The following WWP2 variants were observed in gnomAD, a reference collection of about 807,000 sequenced individuals.
WWP2 encodes the protein NEDD4-like E3 ubiquitin-protein ligase WWP2.
WWP2 carries 57 observed loss-of-function variants against 121.0 expected under a neutral mutation model. That is an observed-to-expected ratio of 0.47 (90% CI 0.38 to 0.59). The LOEUF (loss-of-function observed/expected upper bound fraction) is 0.59, where lower values mean the gene tolerates loss of function less well. WWP2 is among the 20% of genes least tolerant of loss of function. The pLI, the probability that WWP2 is intolerant of heterozygous loss-of-function variation, is 0.00. For synonymous variants in WWP2, 449 were observed against 441.3 expected (o/e 1.02, Z -0.22); for missense variants, 962 against 1,158.9 (o/e 0.83, Z 2.47).
chr16:69,768,826 A>G (rs755956284), intron 1 of WWP2, among the ~76,000 whole-genome samples: 10 of 152,228 alleles, frequency 6.6e-5, no homozygotes, highest in Middle Eastern at 3.4e-3. Flanking sequence ...TTCCGTGCTT[A>G]GTCTTTGTAA....
At chr16:69,836,850 A>C (rs1017889471) in intron 4 of WWP2, among the ~76,000 whole-genome samples, 1 of 152,156 alleles carries the variant, frequency 6.6e-6, no homozygotes, top group Admixed American at 6.5e-5. Flanking sequence ...TCCTGAGCTC[A>C]AGCGACCCAC....
chr16:69,785,607 T>A (rs909754026), intron 1 of WWP2, among the ~76,000 whole-genome samples: 3 of 151,576 alleles, frequency 2.0e-5, no homozygotes, highest in Non-Finnish European at 4.4e-5. Context: ...GGACACCTCA[T>A]GGCGAATGAT....
At chr16:69,777,713 T>C (rs1484850039) in intron 1 of WWP2, among the ~76,000 whole-genome samples, 1 of 151,922 alleles carries the variant, frequency 6.6e-6, no homozygotes, top group Non-Finnish European at 1.5e-5. Context: ...AAGATTTATG[T>C]AGAGGATAAG....
intron 8 of WWP2, among the ~76,000 whole-genome samples, chr16:69,897,419 T>A (rs2058122405): frequency 6.6e-6 from 1 of 152,124 alleles, no homozygotes; most frequent in South Asian, 2.1e-4. Flanking sequence ...GAGGTCTTTT[T>A]TTAACCACCT....
chr16:69,873,939 T>A (rs573628798), intron 7 of WWP2, among the ~76,000 whole-genome samples: 4 of 152,330 alleles, frequency 2.6e-5, no homozygotes, highest in Non-Finnish European at 2.9e-5. Flanking sequence ...TTAGGTACCA[T>A]TACTTGTTGT....
At chr16:69,862,462 G>C (rs923022521) in intron 6 of WWP2, among the ~76,000 whole-genome samples, 1 of 149,080 alleles carries the variant, frequency 6.7e-6, no homozygotes, top group African/African-American at 2.5e-5. Context: ...CATTCCCCAG[G>C]CTGGTCTCGA....
At chr16:69,785,627 C>CT (rs111997152) in intron 1 of WWP2, among the ~76,000 whole-genome samples, 202 of 141,420 alleles carry the variant, frequency 1.4e-3, no homozygotes, top group Non-Finnish European at 1.2e-3. Flanking sequence ...TGCTGCACAT[C>CT]TTTTTTTTTT....
intron 10 of WWP2, among the ~76,000 whole-genome samples, chr16:69,922,308 T>G (rs529329878): frequency 6.6e-6 from 1 of 152,260 alleles, no homozygotes; most frequent in South Asian, 2.1e-4. Context: ...CCCAGACCTT[T>G]CTTACCCTCA....
intron 7 of WWP2, among the ~76,000 whole-genome samples, chr16:69,878,193 C>A (rs559295294): frequency 6.6e-6 from 1 of 152,124 alleles, no homozygotes; most frequent in African/African-American, 2.4e-5. Context: ...GGTCACAGAT[C>A]TCCATGACGG....
intron 4 of WWP2, among the ~76,000 whole-genome samples, chr16:69,829,423 C>A (rs2056757188): frequency 6.6e-6 from 1 of 152,168 alleles, no homozygotes; most frequent in South Asian, 2.1e-4. Context: ...ATTGCAATGT[C>A]CAGTGACCAC....
chr16:69,903,397 C>T (rs2058235005), intron 8 of WWP2, among the ~76,000 whole-genome samples: 1 of 152,172 alleles, frequency 6.6e-6, no homozygotes, highest in Non-Finnish European at 1.5e-5. Context: ...CAGTGTTTCT[C>T]TCCTTGTCTC....
chr16:69,812,471 C>T (rs1377590255), intron 4 of WWP2, among the ~76,000 whole-genome samples: 4 of 142,042 alleles, frequency 2.8e-5, no homozygotes, highest in Non-Finnish European at 4.5e-5. Context: ...GCCCCCAACC[C>T]CCCCCCTTTT....
intron 4 of WWP2, among the ~76,000 whole-genome samples, chr16:69,827,244 T>G (rs2056718031): frequency 6.6e-6 from 1 of 152,192 alleles, no homozygotes; most frequent in Non-Finnish European, 1.5e-5. Flanking sequence ...ACTTATCATT[T>G]TTCCCTGGTT....
chr16:69,910,936 T>A (rs1399821999), intron 9 of WWP2, among the ~76,000 whole-genome samples: 1 of 152,184 alleles, frequency 6.6e-6, no homozygotes, highest in Non-Finnish European at 1.5e-5. Context: ...CCTGCATAGC[T>A]TACTAGTCCT....
intron 6 of WWP2, among the ~76,000 whole-genome samples, chr16:69,847,834 A>T (rs2057114063): frequency 6.6e-6 from 1 of 152,030 alleles, no homozygotes; most frequent in Non-Finnish European, 1.5e-5. Context: ...ACTAGGTCTC[A>T]CCTCCCAACT....
At chr16:69,859,870 C>A (rs563935289) in intron 6 of WWP2, among the ~76,000 whole-genome samples, 1 of 149,138 alleles carries the variant, frequency 6.7e-6, no homozygotes, top group Non-Finnish European at 1.5e-5. Flanking sequence ...CCGCCCCCCA[C>A]CCCCGCCCCG....
At position 69,939,141 on chromosome 16, in the gene WWP2, C is replaced by A; in HGVS notation, c.2440+18C>A. The A allele has an allele frequency of 6.3e-7, 1 of 1,585,238 alleles. No homozygotes were observed. On this transcript the variant is annotated intron_variant, in intron 22 of 23. Coordinates refer to ENST00000359154, the MANE Select transcript of WWP2 (RefSeq NM_001270454.2). ...ACTCATCGGTATGTTTTCTCTCGCCCTCTGGCGTCCTGGCTGGCAGTGCGG... is the reference window on the plus strand; with the variant it reads ...ACTCATCGGTATGTTTTCTCTCGCCATCTGGCGTCCTGGCTGGCAGTGCGG...
intron 9 of WWP2, among the ~76,000 whole-genome samples, chr16:69,912,526 G>A (rs572806504): frequency 3.3e-5 from 5 of 152,052 alleles, no homozygotes; most frequent in South Asian, 4.2e-4. Context: ...GATTAAATGC[G>A]GATGCTATCT....
In WWP2 at chr16:69,934,819, T is replaced by G. The variant is rs904041362; in HGVS notation, c.1842+690T>G. Among the ~76,000 whole-genome samples, 9 of 151,968 alleles carry G rather than the reference T, an allele frequency of 5.9e-5. 1 individual carries two copies. The highest frequency in any genetic ancestry group is 2.2e-4 in the African/African-American group (9 of 41,418). ...TGGTTTCTCCAGAACTATCTCCAGC[T>G]TTTTACATTTTTAGGTTACCAGCTC... On this transcript the variant is annotated intron_variant, in intron 17 of 23. Transcript: ENST00000359154.
Sources: allele counts gnomAD v4.1 joint callset (sites outside exome capture counted in the v4.1 genomes callset), GRCh38; gene constraint gnomAD v4.1.1; transcripts MANE v1.5; gene names NCBI Gene and HGNC (gene_info 2026-07-23, HGNC 2026-07-21).